MAP2: variants seen among roughly 807,000 people sequenced by gnomAD.
MAP2 encodes the protein microtubule associated protein 2.
In MAP2, 14 loss-of-function variants were observed where a neutral mutation model predicts 137.6. The ratio of observed to expected loss-of-function variants is 0.10; its 90% CI spans 0.07 to 0.16. The LOEUF (loss-of-function observed/expected upper bound fraction) is 0.16. Among genes scored for constraint, MAP2 ranks in the 10% least tolerant of loss-of-function variants. MAP2 has a pLI of 1.00. For synonymous variants in MAP2, 786 were observed against 782.3 expected (o/e 1.00, Z -0.08); for missense variants, 2,088 against 2,191.5 (o/e 0.95, Z 0.94).
At chr2:209,520,533 C>T (rs2063129770) in intron 2 of MAP2, among the ~76,000 whole-genome samples, 1 of 152,016 alleles carries the variant, frequency 6.6e-6, no homozygotes, top group African/African-American at 2.4e-5. Flanking sequence ...AAGAATGTCA[C>T]AAGGGCTTAA....
chr2:209,435,990 T>TTATATATAATATATACAGTA, intron 1 of MAP2, among the ~76,000 whole-genome samples: 1 of 87,960 alleles, frequency 1.1e-5, no homozygotes, highest in Non-Finnish European at 2.0e-5. Flanking sequence ...ACAGTATATA[T>TTATATATAATATATACAGTA]TATATACTAT....
chr2:209,507,356 G>A (rs915708930), intron 1 of MAP2, among the ~76,000 whole-genome samples: 4 of 151,946 alleles, frequency 2.6e-5, no homozygotes, highest in African/African-American at 4.8e-5. Context: ...AATAAAAATA[G>A]GACCTAATTT....
chr2:209,733,179 G>A lies in MAP2; in HGVS notation c.*2782G>A, dbSNP rs1159044342. 2 of 152,588 alleles carry A rather than the reference G, an allele frequency of 1.3e-5. No individual in the cohort carries two copies. The highest frequency in any genetic ancestry group is 2.1e-4 in the South Asian group (1 of 4,826). The allele number at this position is 152,588 out of a possible 1,614,324, so 9.5% of individuals were successfully genotyped here. ...AATCCAGAGCTGTGAAGAGTTTAAA[G>A]GCCAACTTCTCCAGTGAACTCAACC... On this transcript the variant is annotated 3_prime_UTR_variant, in exon 16 of 16. Transcript: ENST00000682079.
chr2:209,635,680 TA>T (rs35467107), intron 4 of MAP2, among the ~76,000 whole-genome samples: 37,199 of 152,008 alleles, frequency 0.24, 7,764 homozygotes, highest in African/African-American at 0.56. Flanking sequence ...ATTTATCTGC[TA>T]AAAAAATTCT....
At chr2:209,680,715 T>G in intron 6 of MAP2, 35 bp from the exon 7 acceptor site, 1 of 1,560,720 alleles carries the variant, frequency 6.4e-7, no homozygotes, top group Non-Finnish European at 8.8e-7. Flanking sequence ...AAGGATTAAT[T>G]ATTGCATCTC....
At chr2:209,718,677 A>G (rs1340308447) in intron 13 of MAP2, among the ~76,000 whole-genome samples, 1 of 152,190 alleles carries the variant, frequency 6.6e-6, no homozygotes, top group Non-Finnish European at 1.5e-5. Flanking sequence ...TGGTCTCTCC[A>G]ACTTTTCTTT....
intron 2 of MAP2, among the ~76,000 whole-genome samples, chr2:209,516,137 G>A (rs1576848848): frequency 6.6e-6 from 1 of 152,072 alleles, no homozygotes; most frequent in African/African-American, 2.4e-5. Flanking sequence ...TGTGAAGTAT[G>A]TTAGTTCTTA....
chr2:209,562,528 C>T (rs557202441), intron 2 of MAP2, among the ~76,000 whole-genome samples: 1 of 152,214 alleles, frequency 6.6e-6, no homozygotes, highest in Admixed American at 6.5e-5. Context: ...GAAACCCCCT[C>T]TCTACTAAAA....
chr2:209,547,235 G>A (rs188614421), intron 2 of MAP2, among the ~76,000 whole-genome samples: 3 of 152,180 alleles, frequency 2.0e-5, no homozygotes, highest in Middle Eastern at 3.4e-3. Context: ...TACAGCCTGA[G>A]GGGCTTTGAC....
At chr2:209,655,997 GATAA>G (rs1447372637) in intron 5 of MAP2, among the ~76,000 whole-genome samples, 1 of 152,116 alleles carries the variant, frequency 6.6e-6, no homozygotes, top group African/African-American at 2.4e-5. Context: ...AAGATCACAT[GATAA>G]ATAAAATGCA....
At chr2:209,607,306 C>T (rs1318988643) in intron 3 of MAP2, among the ~76,000 whole-genome samples, 1 of 152,090 alleles carries the variant, frequency 6.6e-6, no homozygotes, top group East Asian at 1.9e-4. Flanking sequence ...GACTGCAGAC[C>T]AAGATGAATT....
At chr2:209,526,731 A>C (rs543947845) in intron 2 of MAP2, among the ~76,000 whole-genome samples, 1 of 149,944 alleles carries the variant, frequency 6.7e-6, no homozygotes, top group African/African-American at 2.5e-5. Flanking sequence ...TGCCACCCTG[A>C]AAGTGAAAGA....
At chr2:209,428,389 T>C (rs1191171835) in intron 1 of MAP2, among the ~76,000 whole-genome samples, 3 of 151,636 alleles carry the variant, frequency 2.0e-5, no homozygotes, top group Non-Finnish European at 2.9e-5. Flanking sequence ...TTCTTTTTTT[T>C]TTTTTTTGCT....
rs183646416 is a variant in MAP2 at position 209,442,144 on chromosome 2, G to A, written c.-222+17868G>A. Among the ~76,000 whole-genome samples the A allele has an allele frequency of 7.3e-5, 11 of 151,578 alleles. No individual in the cohort carries two copies. The East Asian group carries it at 1.9e-3, about 27-fold the overall frequency. ...GAAAGGCCCAGATGTTCTAACCAGG[G>A]CTACATACATAGAGTATACTCATTT... On this transcript the variant is annotated intron_variant, in intron 1 of 15. Coordinates refer to ENST00000682079, the MANE Select transcript of MAP2 (RefSeq NM_001375505.1).
chr2:209,715,337 G>C (rs1419845865), intron 13 of MAP2, among the ~76,000 whole-genome samples: 2 of 151,988 alleles, frequency 1.3e-5, no homozygotes, highest in East Asian at 3.9e-4. Context: ...GATAATTCCA[G>C]AAATACAAAG....
At chr2:209,572,474 A>G (rs1257867222) in intron 2 of MAP2, among the ~76,000 whole-genome samples, 1 of 152,150 alleles carries the variant, frequency 6.6e-6, no homozygotes, top group African/African-American at 2.4e-5. Context: ...TAAGGCAGAT[A>G]GTTATAGGAC....
chr2:209,520,817 T>TA (rs917947284), intron 2 of MAP2, among the ~76,000 whole-genome samples: 7 of 152,166 alleles, frequency 4.6e-5, no homozygotes, highest in East Asian at 3.9e-4. Flanking sequence ...ATAAAGCACT[T>TA]ACAGTTTTAA....
chr2:209,479,859 C>T lies in MAP2; in HGVS notation c.-221-27733C>T, dbSNP rs534707326. Among the ~76,000 whole-genome samples the T allele has an allele frequency of 3.3e-5, 5 of 152,242 alleles. No individual in the cohort carries two copies. The East Asian group carries it at 9.6e-4, about 29-fold the overall frequency. On this transcript the variant is annotated intron_variant, in intron 1 of 15. Transcript: ENST00000682079. ...TAGCAGATATAATAGCCGAACATTTCAACTGTTTTCAAATTATGCATCAAA... is the reference window on the plus strand; with the variant it reads ...TAGCAGATATAATAGCCGAACATTTTAACTGTTTTCAAATTATGCATCAAA...
chr2:209,540,216 T>TTCTTG (rs146590947), intron 2 of MAP2, among the ~76,000 whole-genome samples: 4,094 of 151,976 alleles, frequency 0.027, 181 homozygotes, highest in African/African-American at 0.094. Flanking sequence ...CCACTTTCTT[T>TTCTTG]CCATAATTAT....
Sources: allele counts gnomAD v4.1 joint callset (sites outside exome capture counted in the v4.1 genomes callset), GRCh38; gene constraint gnomAD v4.1.1; transcripts MANE v1.5; gene names NCBI Gene and HGNC (gene_info 2026-07-23, HGNC 2026-07-21).